Variants in LMNTD1 observed in about 807,000 individuals in gnomAD.
LMNTD1 encodes lamin tail domain-containing protein 1.
Under a neutral mutation model 50.9 loss-of-function variants are expected in LMNTD1, and 35 were observed. The observed-to-expected ratio is 0.69, with a 90% CI of 0.53 to 0.91. The LOEUF (loss-of-function observed/expected upper bound fraction) is 0.91. Ranked by LOEUF, LMNTD1 falls within the 40% of genes least tolerant of loss-of-function variation. The probability of loss-of-function intolerance (pLI) is 0.00; values close to 1 mark genes in which losing one functional copy is unlikely to be tolerated. For synonymous variants in LMNTD1, 153 were observed against 161.9 expected, an observed-to-expected ratio of 0.94 and a Z score of 0.42; for missense variants, 470 against 475.5, an observed-to-expected ratio of 0.99 and a Z score of 0.11.
rs565827342 is a variant in LMNTD1, at chr12:25,608,966, C to T, written c.58+39528G>A. ...GTCACTTTCAGGTACACCAATCAAA[C>T]GTAGATTTGGTCTTTTCACATAGTC... On this transcript the variant is annotated intron_variant, in intron 1 of 7. Coordinates refer to the LMNTD1 transcript ENST00000445693. 2.6e-4 allele frequency among the ~76,000 whole-genome samples: 39 copies of T among 152,300 alleles called. No homozygotes were observed. The South Asian group carries it at 3.5e-3, about 14-fold the overall frequency.
chr12:25,532,231 T>C (rs775682852), intron 4 of LMNTD1, among the ~76,000 whole-genome samples: 2 of 152,184 alleles, frequency 1.3e-5, no homozygotes, highest in Non-Finnish European at 2.9e-5. Flanking sequence ...TTTAAGGTTC[T>C]GTATATTTTT....
At chr12:25,584,640 T>G (rs1945445735) in intron 1 of LMNTD1, among the ~76,000 whole-genome samples, 1 of 152,256 alleles carries the variant, frequency 6.6e-6, no homozygotes, top group South Asian at 2.1e-4. Flanking sequence ...AAACGCATTT[T>G]AACATCTGGT....
At position 25,647,367 on chromosome 12, in the gene LMNTD1, C is replaced by A. The variant is rs1438027452; in HGVS notation, c.58+1127G>T. Among the ~76,000 whole-genome samples the A allele has an allele frequency of 2.0e-5, 3 of 152,120 alleles. No individual in the cohort carries two copies. The South Asian group carries it at 6.2e-4, about 32-fold the overall frequency. ...GGGCATGGTGGCCTGTGCCTGTAGT[C>A]CTTCCCAGCTGCTCTGAAGGCTGAG... On this transcript the variant is annotated intron_variant, in intron 1 of 7. Coordinates refer to the LMNTD1 transcript ENST00000445693.
At chr12:25,599,273 A>T (rs1096003) in intron 1 of LMNTD1, among the ~76,000 whole-genome samples, 88,964 of 151,760 alleles carry the variant, frequency 0.59, 27,992 homozygotes, top group Middle Eastern at 0.73. Flanking sequence ...CATGAAAAAA[A>T]CCCTAAAAAA....
Position 25,494,298 on chromosome 12 carries a change from A to G in LMNTD1, c.*22+9440T>C, listed in dbSNP as rs185411207. 4.1e-4 allele frequency among the ~76,000 whole-genome samples: 62 copies of G among 152,292 alleles called. 1 individual carries two copies. Among genetic ancestry groups the G allele is most frequent in the Admixed American group, 2.2e-3 (33 of 15,302 alleles). On this transcript the variant is annotated intron_variant, in intron 9 of 9. Coordinates refer to ENST00000458174, the MANE Select transcript of LMNTD1 (RefSeq NM_001145728.2). ...TCGTAATCATATTGACTTCTTATTT[A>G]GAGAAACTTTCCCCTCATTTTCCGG... is the stretch of plus-strand genomic sequence containing the variant.
chr12:25,527,677 TATATACACACACACAC>T (rs1254777019), intron 4 of LMNTD1, among the ~76,000 whole-genome samples: 13 of 19,576 alleles, frequency 6.6e-4, no homozygotes, highest in Admixed American at 5.1e-3. Context: ...TATATATATA[TATATACACACACACAC>T]ACACACACAC....
At chr12:25,493,768 G>A (rs1938969020) in intron 9 of LMNTD1, among the ~76,000 whole-genome samples, 3 of 152,182 alleles carry the variant, frequency 2.0e-5, no homozygotes, top group South Asian at 2.1e-4. Context: ...CTACAGAGAG[G>A]TGAGTTCTAT....
intron 1 of LMNTD1, among the ~76,000 whole-genome samples, chr12:25,575,404 G>C (rs760045190): frequency 3.9e-5 from 6 of 152,130 alleles, no homozygotes; most frequent in Admixed American, 6.6e-5. Context: ...CTAGTTAACT[G>C]TTGGAAATAA....
chr12:25,573,682 T>C (rs977317658), intron 1 of LMNTD1, among the ~76,000 whole-genome samples: 6 of 152,182 alleles, frequency 3.9e-5, no homozygotes, highest in African/African-American at 1.2e-4. Context: ...CCCTAGGAAA[T>C]TGGCAACTTG....
chr12:25,511,947 C>A (rs746812256), intron 8 of LMNTD1, among the ~76,000 whole-genome samples: 19 of 152,148 alleles, frequency 1.2e-4, no homozygotes, highest in Non-Finnish European at 2.8e-4. Flanking sequence ...AACTCCTATT[C>A]GACCTTCAAT....
chr12:25,563,621 G>A (rs1052308354), intron 1 of LMNTD1, among the ~76,000 whole-genome samples: 15 of 152,306 alleles, frequency 9.8e-5, no homozygotes, highest in South Asian at 4.1e-4. Flanking sequence ...GAGTCTGTCC[G>A]TTCTCAGATC....
chr12:25,637,954 C>T (rs1369375687), intron 1 of LMNTD1, among the ~76,000 whole-genome samples: 1 of 151,966 alleles, frequency 6.6e-6, no homozygotes, highest in Admixed American at 6.6e-5. Context: ...AAATGCTCAA[C>T]AAAATGCTAG....
chr12:25,612,993 G>A (rs1946280643), intron 1 of LMNTD1, among the ~76,000 whole-genome samples: 1 of 152,144 alleles, frequency 6.6e-6, no homozygotes, highest in African/African-American at 2.4e-5. Flanking sequence ...GATGGCAGCA[G>A]CAGGAGAAAG....
intron 1 of LMNTD1, among the ~76,000 whole-genome samples, chr12:25,640,548 C>T (rs12312982): frequency 0.019 from 2,922 of 151,450 alleles, 99 homozygotes; most frequent in African/African-American, 0.067. Context: ...GATCACATAA[C>T]TATGTGTATA....
At chr12:25,627,933 C>A (rs941243235) in intron 1 of LMNTD1, among the ~76,000 whole-genome samples, 6 of 151,084 alleles carry the variant, frequency 4.0e-5, no homozygotes, top group African/African-American at 1.5e-4. Flanking sequence ...CACGGTGAAA[C>A]CCCGTCTCTA....
intron 1 of LMNTD1, among the ~76,000 whole-genome samples, chr12:25,581,843 T>C (rs1209165336): frequency 6.6e-6 from 1 of 152,212 alleles, no homozygotes; most frequent in East Asian, 1.9e-4. Flanking sequence ...CTGCAGGCAA[T>C]TGTAACACAA....
chr12:25,623,545 C>G (rs1946520922), intron 1 of LMNTD1, among the ~76,000 whole-genome samples: 1 of 87,534 alleles, frequency 1.1e-5, no homozygotes, highest in African/African-American at 4.8e-5. Flanking sequence ...TAGAGCAAGA[C>G]TCTGTCTCAA....
intron 1 of LMNTD1, among the ~76,000 whole-genome samples, chr12:25,607,818 G>T (rs150951560): frequency 3.3e-5 from 5 of 152,306 alleles, no homozygotes; most frequent in African/African-American, 2.4e-5. Context: ...CTGTTGATTG[G>T]GGGTGGAGAG....
At chr12:25,560,608 G>A (rs1199180381) in intron 1 of LMNTD1, among the ~76,000 whole-genome samples, 2 of 152,122 alleles carry the variant, frequency 1.3e-5, no homozygotes, top group African/African-American at 2.4e-5. Context: ...GATGGGGATG[G>A]CATTGAATCT....
Sources: allele counts gnomAD v4.1 joint callset (sites outside exome capture counted in the v4.1 genomes callset), GRCh38; gene constraint gnomAD v4.1.1; transcripts MANE v1.5; gene names NCBI Gene and HGNC (gene_info 2026-07-23, HGNC 2026-07-21).